RAP1GAP: variants seen among roughly 807,000 people sequenced by gnomAD.
The protein encoded by RAP1GAP is RAP1 GTPase activating protein, also known as rap1 GTPase-activating protein 1.
In RAP1GAP, 35 loss-of-function variants were observed where a neutral mutation model predicts 87.2. The observed-to-expected ratio is 0.40, with a 90% CI of 0.31 to 0.53. RAP1GAP has a LOEUF of 0.53. Among genes scored for constraint, RAP1GAP ranks in the 20% least tolerant of loss-of-function variants. The pLI, the probability that RAP1GAP is intolerant of heterozygous loss-of-function variation, is 0.48. For synonymous variants in RAP1GAP, 375 were observed against 363.9 expected, an observed-to-expected ratio of 1.03 and a Z score of -0.35; for missense variants, 734 against 898.9, an observed-to-expected ratio of 0.82 and a Z score of 2.35.
chr1:21,634,762 C>A lies in RAP1GAP; in HGVS notation c.-112-8365G>T, dbSNP rs755617800. 2.1e-5 allele frequency: 10 copies of A among 478,572 alleles called. No homozygotes were observed. Among genetic ancestry groups the A allele is most frequent in the East Asian group, 1.3e-4 (2 of 15,828 alleles). 29.6% of individuals were successfully genotyped at this position (478,572 alleles called of 1,614,324 possible). ...TCTGGGAACCAGGCCACCCATTTAC[C>A]TGCTGTCTATCCAGCATCTGTCTCC... On this transcript the variant is annotated intron_variant, in intron 2 of 24. Transcript: ENST00000374765. The surrounding 1 kb of genome is among the most constrained non-coding windows in gnomAD (Gnocchi z 4.1).
intron 21 of RAP1GAP, 93 bp from the exon 22 acceptor site, chr1:21,598,595 A>G (rs540999218): frequency 4.4e-5 from 45 of 1,022,070 alleles, no homozygotes; most frequent in Admixed American, 2.2e-4. Context: ...ACTGCATTCC[A>G]CAACCCCCCA....
intron 20 of RAP1GAP, 50 bp downstream of exon 20, chr1:21,601,634 A>G: frequency 7.1e-7 from 1 of 1,405,360 alleles, no homozygotes; most frequent in Non-Finnish European, 9.8e-7. Context: ...GAGGGGAAGG[A>G]CGGTTCACCA....
At chr1:21,645,060 C>G (rs2095903666) in intron 2 of RAP1GAP, among the ~76,000 whole-genome samples, 1 of 152,274 alleles carries the variant, frequency 6.6e-6, no homozygotes, top group South Asian at 2.1e-4. Context: ...CTGCCCAAAC[C>G]AAGCTCTCTG....
rs2076753636 is a variant in RAP1GAP, at chr1:21,609,340, G to A, written c.1071+235C>T. On this transcript the variant is annotated intron_variant, in intron 15 of 24. Coordinates refer to ENST00000374765, the MANE Select transcript of RAP1GAP (RefSeq NM_002885.4). The surrounding 1 kb of genome is among the most constrained non-coding windows in gnomAD (Gnocchi z 4.4). ...AGAGAACAGAAATGAGGAGAGGCCA[G>A]TCTACTATGGAAAGTGTAAAACAAT... Among the ~76,000 whole-genome samples the A allele has an allele frequency of 6.6e-6, 1 of 151,334 alleles. No individual in the cohort carries two copies. Among genetic ancestry groups the A allele is most frequent in the Admixed American group, 6.6e-5 (1 of 15,200 alleles).
intron 5 of RAP1GAP, among the ~76,000 whole-genome samples, 176 bp from the exon 6 acceptor site, chr1:21,618,148 T>C (rs188266105): frequency 7.5e-4 from 114 of 152,274 alleles, no homozygotes; most frequent in African/African-American, 2.5e-3. Context: ...GCTGGCATCT[T>C]CTGGGGCTCT....
intron 1 of RAP1GAP, among the ~76,000 whole-genome samples, chr1:21,652,190 G>T (rs1359818007): frequency 6.9e-6 from 1 of 144,424 alleles, no homozygotes; most frequent in Non-Finnish European, 1.5e-5. Context: ...GAGCCGCCGC[G>T]CTCCTCGGCG....
At chr1:21,647,297 C>T (rs1415370220) in intron 2 of RAP1GAP, among the ~76,000 whole-genome samples, 1 of 152,094 alleles carries the variant, frequency 6.6e-6, no homozygotes, top group East Asian at 1.9e-4. Context: ...CTTGTCTCTA[C>T]TAAAAATACA....
At chr1:21,659,652 G>A (rs975433012) in intron 1 of RAP1GAP, among the ~76,000 whole-genome samples, 1 of 152,238 alleles carries the variant, frequency 6.6e-6, no homozygotes, top group Non-Finnish European at 1.5e-5. Flanking sequence ...GGCTGATCCT[G>A]CAAGAGTTAC....
At chr1:21,653,675 T>TAGCAGC (rs573247587) in intron 1 of RAP1GAP, among the ~76,000 whole-genome samples, 1 of 150,192 alleles carries the variant, frequency 6.7e-6, no homozygotes. Flanking sequence ...TCCTAAGTAG[T>TAGCAGC]AGCAGCAGCA....
At position 21,613,971 on chromosome 1, in the gene RAP1GAP, C is replaced by G. The variant is rs777946376; in HGVS notation, c.395+15G>C. 1.3e-6 allele frequency: 2 copies of G among 1,569,872 alleles called. No homozygotes were observed. The highest frequency in any genetic ancestry group is 1.7e-6 in the Non-Finnish European group (2 of 1,144,424). On this transcript the variant is annotated intron_variant, in intron 8 of 24. Transcript: ENST00000374765. This position sits in a 1 kb window ranked among gnomAD's most constrained non-coding sequence, Gnocchi z 4.7. ...AGCCCTTCCTGCCATCTCAGGACTC[C>G]CCCACCACCCTCACCTGAGCAGCAG...
chr1:21,618,198 G>T (rs2083603432), intron 5 of RAP1GAP, among the ~76,000 whole-genome samples: 1 of 152,186 alleles, frequency 6.6e-6, no homozygotes, highest in Non-Finnish European at 1.5e-5. Context: ...CTCCCCAGAA[G>T]AAACCGCTGG....
chr1:21,654,676 C>T (rs751049068), intron 1 of RAP1GAP, among the ~76,000 whole-genome samples: 4 of 151,456 alleles, frequency 2.6e-5, no homozygotes, highest in Middle Eastern at 3.4e-3. Context: ...TACAAAAACT[C>T]TAAAAATTAG....
At chr1:21,660,124 C>A (rs931455582) in intron 1 of RAP1GAP, among the ~76,000 whole-genome samples, 2 of 151,456 alleles carry the variant, frequency 1.3e-5, no homozygotes, top group Non-Finnish European at 2.9e-5. Context: ...CAGAGGAACC[C>A]AATCTCCCCA....
At chr1:21,604,536 C>T (rs2072302501) in intron 18 of RAP1GAP, among the ~76,000 whole-genome samples, 1 of 152,142 alleles carries the variant, frequency 6.6e-6, no homozygotes, top group Non-Finnish European at 1.5e-5. Flanking sequence ...ATGGTGGGTG[C>T]TGCTGGCCTG....
chr1:21,648,356 G>T (rs750329154), intron 2 of RAP1GAP, among the ~76,000 whole-genome samples: 9 of 152,198 alleles, frequency 5.9e-5, no homozygotes, highest in Non-Finnish European at 8.8e-5. Context: ...CCTTCGTTCA[G>T]ACCCTCCCTG....
chr1:21,629,252 G>C (rs1391997769), intron 2 of RAP1GAP, among the ~76,000 whole-genome samples: 1 of 152,152 alleles, frequency 6.6e-6, no homozygotes, highest in Non-Finnish European at 1.5e-5. Flanking sequence ...GCTGGGTGCG[G>C]CCGTGGCTGC....
chr1:21,623,919 C>T (rs899803770), intron 3 of RAP1GAP, among the ~76,000 whole-genome samples: 3 of 152,080 alleles, frequency 2.0e-5, no homozygotes, highest in East Asian at 1.9e-4. Context: ...GCCATGTGTG[C>T]GTGTGTGTGA....
rs1022363808 is a variant in RAP1GAP, at chr1:21,609,838, G to A, written c.1000-192C>T. 2.0e-5 allele frequency among the ~76,000 whole-genome samples: 3 copies of A among 152,192 alleles called. No individual in the cohort carries two copies. Among genetic ancestry groups the A allele is most frequent in the Non-Finnish European group, 4.4e-5 (3 of 68,036 alleles). ...GCCCTGAATTTTAGTGGTGGAGATG[G>A]GTAGGGGCCTTAGGAATCATCGGGA... is the stretch of plus-strand genomic sequence containing the variant. On this transcript the variant is annotated intron_variant, in intron 14 of 24. Coordinates refer to ENST00000374765, the MANE Select transcript of RAP1GAP (RefSeq NM_002885.4). This position sits in a 1 kb window ranked among gnomAD's most constrained non-coding sequence, Gnocchi z 4.4.
intron 3 of RAP1GAP, among the ~76,000 whole-genome samples, chr1:21,625,531 C>T (rs1318236): frequency 0.42 from 63,306 of 152,044 alleles, 14,130 homozygotes; most frequent in South Asian, 0.61. Context: ...TGAGTGACTT[C>T]GGGCAAGTGA....
Sources: allele counts gnomAD v4.1 joint callset (sites outside exome capture counted in the v4.1 genomes callset), GRCh38; gene constraint gnomAD v4.1.1; non-coding constraint Gnocchi (gnomAD v3.1); transcripts MANE v1.5; gene names NCBI Gene and HGNC (gene_info 2026-07-23, HGNC 2026-07-21).